Variants in ZNF385B observed in about 807,000 individuals in gnomAD.
ZNF385B encodes zinc finger protein 533.
ZNF385B carries 23 observed loss-of-function variants against 39.2 expected under a neutral mutation model. That is an observed-to-expected ratio of 0.59 (90% CI 0.42 to 0.83). The LOEUF (loss-of-function observed/expected upper bound fraction) is 0.83, where lower values mean the gene tolerates loss of function less well. ZNF385B is among the 40% of genes least tolerant of loss of function. ZNF385B has a pLI of 0.00. For synonymous variants in ZNF385B, 205 were observed against 222.6 expected (o/e 0.92, Z 0.70); for missense variants, 552 against 598.9 (o/e 0.92, Z 0.82).
intron 1 of ZNF385B, among the ~76,000 whole-genome samples, chr2:179,855,974 A>C (rs1010354756): frequency 2.0e-5 from 3 of 152,190 alleles, no homozygotes; most frequent in Admixed American, 6.5e-5. Context: ...AAAACACTGC[A>C]TTCCTAAATA....
intron 3 of ZNF385B, among the ~76,000 whole-genome samples, chr2:179,744,309 T>C (rs1222621673): frequency 7.7e-6 from 1 of 129,324 alleles, no homozygotes; most frequent in Non-Finnish European, 1.7e-5. Flanking sequence ...TTCCCATCTC[T>C]CCATTTTTTT....
At chr2:179,854,855 G>A (rs1684458027) in intron 1 of ZNF385B, among the ~76,000 whole-genome samples, 1 of 152,082 alleles carries the variant, frequency 6.6e-6, no homozygotes, top group African/African-American at 2.4e-5. Context: ...ATCACAGTAT[G>A]GAAAATAAAC....
At chr2:179,773,983 T>C (rs531490235) in intron 1 of ZNF385B, among the ~76,000 whole-genome samples, 5 of 152,038 alleles carry the variant, frequency 3.3e-5, no homozygotes, top group African/African-American at 1.2e-4. Context: ...GTGAGCGGGA[T>C]GGGAGGTGAG....
In ZNF385B at chr2:179,443,287, C is replaced by A. The variant is rs375494558; in HGVS notation, c.1424G>T (p.Arg475Leu). ...ALLRPGHGPI[R>L]ATPASILFAP... ...AAAGAGGATGGAGGCAGGAGTGGCG[C>A]GGATGGGCCCATGCCCAGGCCTCAG... Residue 475 changes from arginine to leucine, a missense_variant, in exon 10 of 10, where the codon CGC becomes CTC. Transcript: ENST00000410066. 1.2e-6 allele frequency: 2 copies of A among 1,612,404 alleles called. No individual in the cohort carries two copies. The highest frequency in any genetic ancestry group is 1.7e-6 in the Non-Finnish European group (2 of 1,180,030).
At chr2:179,475,589 G>C (rs1428205086) in intron 6 of ZNF385B, among the ~76,000 whole-genome samples, 1 of 151,576 alleles carries the variant, frequency 6.6e-6, no homozygotes, top group Non-Finnish European at 1.5e-5. Context: ...CTATAGAAAT[G>C]AGAGCACCAA....
chr2:179,443,073 TA>T lies in ZNF385B; in HGVS notation c.*176del. On this transcript the variant is annotated 3_prime_UTR_variant, in exon 10 of 10. Transcript: ENST00000410066. Reference sequence around the variant, plus strand: ...ATTCCTCAATTATAGGAGCAGTCTCTAAAAGCCCTCGTCAATCTAGTGATGT... The same window carrying T: ...ATTCCTCAATTATAGGAGCAGTCTCTAAAGCCCTCGTCAATCTAGTGATGT... The T allele has an allele frequency of 1.4e-6, 1 of 728,332 alleles. No individual in the cohort carries two copies. The highest frequency in any genetic ancestry group is 2.4e-6 in the Non-Finnish European group (1 of 422,138). The allele number at this position is 728,332 out of a possible 1,614,324, so 45.1% of individuals were successfully genotyped here.
intron 6 of ZNF385B, 116 bp from the exon 7 acceptor site, chr2:179,446,886 G>A: frequency 7.5e-7 from 1 of 1,330,768 alleles, no homozygotes; most frequent in Non-Finnish European, 1.0e-6. Flanking sequence ...TTTTATTGCA[G>A]CATAGATTTC....
At chr2:179,493,665 ATG>A (rs1491532690) in intron 5 of ZNF385B, among the ~76,000 whole-genome samples, 24 of 135,106 alleles carry the variant, frequency 1.8e-4, no homozygotes, top group East Asian at 9.9e-4. Context: ...ATATATGTAT[ATG>A]CATATGCATA....
chr2:179,727,279 C>T (rs1023800470), intron 3 of ZNF385B, among the ~76,000 whole-genome samples: 8 of 151,656 alleles, frequency 5.3e-5, no homozygotes, highest in African/African-American at 1.9e-4. Context: ...TTTGGAAATC[C>T]ATCAGTTTCA....
At chr2:179,800,859 A>G (rs1705985206) in intron 1 of ZNF385B, among the ~76,000 whole-genome samples, 2 of 152,132 alleles carry the variant, frequency 1.3e-5, no homozygotes, top group African/African-American at 2.4e-5. Context: ...GACACACTTC[A>G]GCTTATATCT....
chr2:179,766,187 GC>G (rs763096168), intron 3 of ZNF385B, among the ~76,000 whole-genome samples: 4 of 152,068 alleles, frequency 2.6e-5, no homozygotes, highest in Non-Finnish European at 4.4e-5. Context: ...TTAGGGGTCA[GC>G]CACCTTTTAT....
chr2:179,833,780 C>T (rs910107368), intron 1 of ZNF385B, among the ~76,000 whole-genome samples: 2 of 151,904 alleles, frequency 1.3e-5, no homozygotes, highest in African/African-American at 4.8e-5. Context: ...AAAAAATGAA[C>T]CTAATTATAT....
intron 4 of ZNF385B, among the ~76,000 whole-genome samples, chr2:179,524,053 C>T (rs1220923502): frequency 6.6e-6 from 1 of 152,072 alleles, no homozygotes; most frequent in Non-Finnish European, 1.5e-5. Context: ...CTGCCTTAGC[C>T]TTTCAAAGTG....
chr2:179,738,641 G>C (rs1212430424), intron 3 of ZNF385B, among the ~76,000 whole-genome samples: 1 of 152,124 alleles, frequency 6.6e-6, no homozygotes, highest in Admixed American at 6.6e-5. Context: ...TTTAACTGAG[G>C]CTGCACATTA....
At chr2:179,695,056 C>G (rs886555671) in intron 3 of ZNF385B, among the ~76,000 whole-genome samples, 1 of 152,180 alleles carries the variant, frequency 6.6e-6, no homozygotes. Flanking sequence ...TGCATTCTAT[C>G]TATTATAAAA....
chr2:179,820,628 T>C (rs1166432707), intron 1 of ZNF385B, among the ~76,000 whole-genome samples: 1 of 152,102 alleles, frequency 6.6e-6, no homozygotes, highest in Admixed American at 6.5e-5. Context: ...TAATGAAATC[T>C]CATAGGGTGA....
chr2:179,532,986 T>C (rs1233469135), intron 4 of ZNF385B, among the ~76,000 whole-genome samples: 3 of 152,072 alleles, frequency 2.0e-5, no homozygotes, highest in Admixed American at 6.6e-5. Flanking sequence ...CTGAAGCAAA[T>C]GTAAAAGGGA....
intron 1 of ZNF385B, among the ~76,000 whole-genome samples, chr2:179,805,153 C>T (rs1254680399): frequency 1.3e-5 from 2 of 152,108 alleles, no homozygotes; most frequent in Non-Finnish European, 2.9e-5. Context: ...AACCCGGCCA[C>T]TGTACTAGGA....
chr2:179,454,368 C>T (rs1302799199), intron 6 of ZNF385B, among the ~76,000 whole-genome samples: 1 of 152,078 alleles, frequency 6.6e-6, no homozygotes, highest in African/African-American at 2.4e-5. Flanking sequence ...TACTGTGCTA[C>T]CAGTCATATA....
Sources: gnomAD v4.1 joint callset for allele counts (sites outside exome capture counted in the v4.1 genomes callset) on GRCh38, gnomAD v4.1.1 for gene constraint, MANE v1.5 for transcripts, NCBI Gene and HGNC (gene_info 2026-07-23, HGNC 2026-07-21) for gene names.